SLC29A3: variants seen among roughly 807,000 people sequenced by gnomAD.
SLC29A3 encodes the protein equilibrative nucleoside transporter 3.
SLC29A3 carries 18 observed loss-of-function variants against 25.4 expected under a neutral mutation model. The observed-to-expected ratio is 0.71, with a 90% CI of 0.49 to 1.05. SLC29A3 has a LOEUF of 1.05. Among genes scored for constraint, SLC29A3 ranks in the 50% least tolerant of loss-of-function variants. The pLI is 0.00. For synonymous variants in SLC29A3, 258 were observed against 267.1 expected (o/e 0.97, Z 0.33); for missense variants, 586 against 609.0 (o/e 0.96, Z 0.40).
chr10:71,330,164 G>C (rs764931096), intron 2 of SLC29A3, among the ~76,000 whole-genome samples: 1 of 152,242 alleles, frequency 6.6e-6, no homozygotes, highest in Non-Finnish European at 1.5e-5. Flanking sequence ...CCCCTTTGCT[G>C]GGCCAGGGGG....
chr10:71,358,392 G>A (rs1489445501), intron 5 of SLC29A3, among the ~76,000 whole-genome samples: 1 of 152,140 alleles, frequency 6.6e-6, no homozygotes, highest in Non-Finnish European at 1.5e-5. Flanking sequence ...GATAGGAGGG[G>A]GCTGATCTGC....
chr10:71,346,593 T>A (rs974330183), intron 3 of SLC29A3, among the ~76,000 whole-genome samples: 2 of 152,170 alleles, frequency 1.3e-5, no homozygotes, highest in Non-Finnish European at 2.9e-5. Flanking sequence ...TAGTCCCAGC[T>A]ACTCAGTAGG....
exon 5 of SLC29A3, chr10:71,380,042 C>T (rs1174180872): frequency 6.6e-6 from 1 of 152,264 alleles, no homozygotes; most frequent in Non-Finnish European, 1.5e-5. Context: ...ATCCGAGGGA[C>T]ACTAGAAGGG....
chr10:71,321,146 A>G (rs1419838521), intron 1 of SLC29A3, among the ~76,000 whole-genome samples: 2 of 152,194 alleles, frequency 1.3e-5, no homozygotes, highest in Non-Finnish European at 2.9e-5. Flanking sequence ...AAGTTTAGCT[A>G]TTGGGAGTTC....
intron 4 of SLC29A3, among the ~76,000 whole-genome samples, chr10:71,379,146 G>T (rs1295628154): frequency 6.6e-6 from 1 of 152,248 alleles, no homozygotes; most frequent in Non-Finnish European, 1.5e-5. Flanking sequence ...CCAAGAATTT[G>T]AATCCAGGTC....
intron 2 of SLC29A3, among the ~76,000 whole-genome samples, chr10:71,341,609 A>G (rs1846411676): frequency 6.6e-6 from 1 of 152,236 alleles, no homozygotes; most frequent in South Asian, 2.1e-4. Flanking sequence ...GAACCCAGCT[A>G]TCGGAAACCC....
chr10:71,343,165 G>A (rs1254425236), intron 2 of SLC29A3, among the ~76,000 whole-genome samples: 2 of 152,178 alleles, frequency 1.3e-5, no homozygotes, highest in Non-Finnish European at 2.9e-5. Context: ...TAGAGACAGA[G>A]TCTCACTATT....
chr10:71,373,209 G>A (rs1847224877), intron 3 of SLC29A3, among the ~76,000 whole-genome samples: 1 of 152,234 alleles, frequency 6.6e-6, no homozygotes, highest in Non-Finnish European at 1.5e-5. Flanking sequence ...AACAGAAACT[G>A]AATTGACTGC....
chr10:71,321,873 AG>A lies in SLC29A3; in HGVS notation c.2-881del, dbSNP rs1346547970. Among the ~76,000 whole-genome samples, 8 of 152,302 alleles carry A rather than the reference AG, an allele frequency of 5.3e-5. No individual in the cohort carries two copies. The East Asian group carries it at 1.3e-3, about 26-fold the overall frequency. On this transcript the variant is annotated intron_variant, in intron 1 of 5. Coordinates refer to ENST00000373189, the MANE Select transcript of SLC29A3 (RefSeq NM_018344.6). Reference sequence around the variant, plus strand: ...GGACCCAGGCAGGAGCTGCAAACCCAGGCTTGGCCATTTACGTGGCCTATGG... The same window carrying A: ...GGACCCAGGCAGGAGCTGCAAACCCAGCTTGGCCATTTACGTGGCCTATGG...
At chr10:71,330,679 G>T (rs1434254212) in intron 2 of SLC29A3, among the ~76,000 whole-genome samples, 2 of 152,222 alleles carry the variant, frequency 1.3e-5, no homozygotes, top group Admixed American at 6.5e-5. Flanking sequence ...TGACAGTTAT[G>T]GTGTGCCTTA....
rs1845876806 is a variant in SLC29A3 at position 71,322,752 on chromosome 10, A to G, written c.2-4A>G. 3 of 1,614,000 alleles carry G rather than the reference A, an allele frequency of 1.9e-6. No homozygotes were observed. The highest frequency in any genetic ancestry group is 2.5e-6 in the Non-Finnish European group (3 of 1,180,012). ...TGTCTCTGTTGCCCTCCTTGCTCCAATAGTGGCCGTTGTCTCAGAGGACGA... is the reference window on the plus strand; with the variant it reads ...TGTCTCTGTTGCCCTCCTTGCTCCAGTAGTGGCCGTTGTCTCAGAGGACGA... On this transcript the variant is annotated splice_region_variant and splice_polypyrimidine_tract_variant and intron_variant, in intron 1 of 5. Coordinates refer to ENST00000373189, the MANE Select transcript of SLC29A3 (RefSeq NM_018344.6).
At chr10:71,338,718 C>G (rs1057256318) in intron 2 of SLC29A3, among the ~76,000 whole-genome samples, 2 of 152,156 alleles carry the variant, frequency 1.3e-5, no homozygotes, top group Non-Finnish European at 2.9e-5. Flanking sequence ...GATCATGCCA[C>G]TGCACTCCAG....
At chr10:71,319,745 G>A (rs1589218286) in intron 1 of SLC29A3, 4 of 168,594 alleles carry the variant, frequency 2.4e-5, no homozygotes, top group Non-Finnish European at 3.8e-5. Context: ...AGCCCTACCA[G>A]CTCCCCACCC....
At chr10:71,336,499 T>C (rs1846257450) in intron 2 of SLC29A3, among the ~76,000 whole-genome samples, 1 of 151,776 alleles carries the variant, frequency 6.6e-6, no homozygotes, top group African/African-American at 2.4e-5. Flanking sequence ...AGTGGCAACA[T>C]GGACTACATT....
At chr10:71,344,069 G>C in intron 2 of SLC29A3, 140 bp from the exon 3 acceptor site, 1 of 737,688 alleles carries the variant, frequency 1.4e-6, no homozygotes, top group Non-Finnish European at 2.4e-6. Flanking sequence ...CTTGTTTGGA[G>C]GTGGGCTCAC....
At chr10:71,363,808 CTTTTCTTTTTT>C (rs1847136040), downstream of SLC29A3, among the ~76,000 whole-genome samples, 2 of 103,720 alleles carry the variant, frequency 1.9e-5, no homozygotes, top group Non-Finnish European at 3.9e-5. Flanking sequence ...TTTCCTTTTT[CTTTTCTTTTTT>C]TTTTTTTTGA....
At chr10:71,370,999 T>G (rs1236132152) in intron 3 of SLC29A3, among the ~76,000 whole-genome samples, 1 of 152,180 alleles carries the variant, frequency 6.6e-6, no homozygotes, top group Non-Finnish European at 1.5e-5. Flanking sequence ...CAGGCTGGTC[T>G]CGAACTCCTG....
chr10:71,324,230 G>A (rs1174481169), intron 2 of SLC29A3, among the ~76,000 whole-genome samples: 1 of 152,170 alleles, frequency 6.6e-6, no homozygotes, highest in Non-Finnish European at 1.5e-5. Context: ...CTGAAAGCAG[G>A]CCCAGGACTT....
At chr10:71,365,621 C>T (rs1308354000), downstream of SLC29A3, 3 of 152,176 alleles carry the variant, frequency 2.0e-5, no homozygotes, top group African/African-American at 2.4e-5. Flanking sequence ...CTTGGTTACT[C>T]ACCTTAGTGG....
Sources: gnomAD v4.1 joint callset for allele counts (sites outside exome capture counted in the v4.1 genomes callset) on GRCh38, gnomAD v4.1.1 for gene constraint, MANE v1.5 for transcripts, NCBI Gene and HGNC (gene_info 2026-07-23, HGNC 2026-07-21) for gene names.